The following BACE2 variants were observed in gnomAD, a reference collection of about 807,000 sequenced individuals.
BACE2 encodes 56 kDa aspartic-like protease.
Under a neutral mutation model 46.2 loss-of-function variants are expected in BACE2, and 17 were observed. That is an observed-to-expected ratio of 0.37 (90% confidence interval 0.25 to 0.55). The LOEUF is 0.55. BACE2 is among the 20% of genes least tolerant of loss of function. The pLI is 0.82. For missense variants in BACE2, 595 were observed against 698.1 expected (o/e 0.85, Z 1.66); for synonymous variants, 277 against 295.9 (o/e 0.94, Z 0.66).
rs1010943457 is a variant in BACE2 at position 41,257,278 on chromosome 21, T to C, written c.1255T>C (p.Phe419Leu). Residue 419 changes from phenylalanine (F) to leucine (L), a missense_variant, in exon 8 of 9, where the codon TTC (phenylalanine) becomes CTC (leucine). Physicochemically the swap from Phe to Leu is conservative, Grantham distance 22. Transcript: ENST00000330333. ...GGTGATGGAGGGCTTCTACGTCATC[T>C]TCGACAGAGCCCAGAAGAGGGTGGG... ...ATVMEGFYVI[F>L]DRAQKRVGFA... is the part of the protein sequence containing the mutation. The C allele has an allele frequency of 1.9e-6, 3 of 1,614,206 alleles. No individual in the cohort carries two copies. The highest frequency in any genetic ancestry group is 2.5e-6 in the Non-Finnish European group (3 of 1,180,042).
At chr21:41,197,726 T>C (rs1985791946) in intron 1 of BACE2, among the ~76,000 whole-genome samples, 1 of 152,074 alleles carries the variant, frequency 6.6e-6, no homozygotes, top group Admixed American at 6.5e-5. Flanking sequence ...TTAGGAAATA[T>C]GCAAGTTGAC....
Position 41,275,914 on chromosome 21 carries a change from A to G in BACE2, c.*290A>G, listed in dbSNP as rs1328541175. On this transcript the variant is annotated 3_prime_UTR_variant, in exon 9 of 9. Coordinates refer to ENST00000330333, the MANE Select transcript of BACE2 (RefSeq NM_012105.5). Reference sequence around the variant, plus strand: ...GGGTTCGTTATGCCAAAGTGTCTACATGTGCCACCAACATAAAACAAAACC... The same window carrying G: ...GGGTTCGTTATGCCAAAGTGTCTACGTGTGCCACCAACATAAAACAAAACC... 2.6e-6 allele frequency: 1 copy of G among 386,880 alleles called. No homozygotes were observed. The highest frequency in any genetic ancestry group is 4.0e-5 in the Admixed American group (1 of 24,762). The allele number at this position is 386,880 out of a possible 1,614,324, so 24.0% of individuals were successfully genotyped here.
At chr21:41,185,399 C>A (rs1167856983) in intron 1 of BACE2, among the ~76,000 whole-genome samples, 3 of 152,064 alleles carry the variant, frequency 2.0e-5, no homozygotes, top group Non-Finnish European at 4.4e-5. Context: ...AGTGGAGATA[C>A]TGAAAAAAAT....
At chr21:41,209,741 G>C (rs1986241049) in intron 1 of BACE2, among the ~76,000 whole-genome samples, 1 of 152,112 alleles carries the variant, frequency 6.6e-6, no homozygotes. Context: ...TTAGAATCTC[G>C]GTCCAGCACA....
At position 41,253,461 on chromosome 21, in the gene BACE2, C is replaced by T. The variant is rs377466592; in HGVS notation, c.1134+2560C>T. On this transcript the variant is annotated intron_variant, in intron 7 of 8. Coordinates refer to ENST00000330333, the MANE Select transcript of BACE2 (RefSeq NM_012105.5). ...CATCTCAAAAAAAAAAAAAAAAAAT[C>T]ACGTGCTCTTGATGATTACATTTTG... is the stretch of plus-strand genomic sequence containing the variant. 4.9e-5 allele frequency among the ~76,000 whole-genome samples: 7 copies of T among 141,970 alleles called. No individual in the cohort carries two copies. In the South Asian group the frequency reaches 6.9e-4, roughly 14 times the overall value. 93.1% of individuals were successfully genotyped at this position (141,970 alleles called of 152,430 possible).
At chr21:41,234,463 C>A (rs906987989) in intron 2 of BACE2, among the ~76,000 whole-genome samples, 1 of 152,208 alleles carries the variant, frequency 6.6e-6, no homozygotes, top group South Asian at 2.1e-4. Flanking sequence ...AGTTTACTTA[C>A]ACATTGTCTG....
chr21:41,257,078 C>T (rs754078561), intron 7 of BACE2, 80 bp from the exon 8 acceptor site: 17 of 1,545,998 alleles, frequency 1.1e-5, no homozygotes, highest in African/African-American at 1.4e-5. Flanking sequence ...CCTGAGCATG[C>T]GTGTGACCTC....
chr21:41,178,884 G>T, intron 1 of BACE2: 1 of 276,328 alleles, frequency 3.6e-6, no homozygotes, highest in Non-Finnish European at 7.0e-6. Flanking sequence ...ACTTTTAGAG[G>T]AGTGCTGTGA....
intron 2 of BACE2, among the ~76,000 whole-genome samples, chr21:41,236,834 G>T (rs893430941): frequency 3.9e-5 from 6 of 152,208 alleles, no homozygotes; most frequent in African/African-American, 1.4e-4. Context: ...GTGCCAGATT[G>T]GGTTGTGTCC....
intron 1 of BACE2, among the ~76,000 whole-genome samples, chr21:41,208,668 G>GGGTATGA (rs1986206406): frequency 6.6e-6 from 1 of 152,162 alleles, no homozygotes; most frequent in South Asian, 2.1e-4. Context: ...CAGGGGTACA[G>GGGTATGA]GGTAAGGGTA....
Position 41,275,807 on chromosome 21 carries a change from C to A in BACE2, c.*183C>A. ...ATTCTTGATTTTCAAGCTTTCAAAT[C>A]CTCCCTACTTCCAAGAAAAATAATT... On this transcript the variant is annotated 3_prime_UTR_variant, in exon 9 of 9. Transcript: ENST00000330333. 1.4e-6 allele frequency: 1 copy of A among 734,492 alleles called. No individual in the cohort carries two copies. Among genetic ancestry groups the A allele is most frequent in the Non-Finnish European group, 2.1e-6 (1 of 465,758 alleles). 45.5% of individuals were successfully genotyped at this position (734,492 alleles called of 1,614,324 possible).
At chr21:41,268,323 A>G (rs927015979) in intron 8 of BACE2, among the ~76,000 whole-genome samples, 1 of 152,202 alleles carries the variant, frequency 6.6e-6, no homozygotes, top group Non-Finnish European at 1.5e-5. Flanking sequence ...TCATGCTCTC[A>G]CCCACTGCAT....
rs1174890054 is a variant in BACE2 at position 41,168,349 on chromosome 21, T to C, written c.86T>C (p.Phe29Ser). ...GCCCCGGAGCTGGCCCCCGCGCCCT[T>C]CACGCTGCCCCTCCGGGTGGCCGCG... ...RAAPELAPAPFTLPLRVAAAT... is the reference protein window; with the variant it reads ...RAAPELAPAPSTLPLRVAAAT... The change falls in exon 1 of 9, where the codon TTC (phenylalanine) becomes TCC (serine). Residue 29 changes from phenylalanine (F) to serine (S), a missense_variant. Phe to Ser is a radical substitution (Grantham distance 155). Coordinates refer to ENST00000330333, the MANE Select transcript of BACE2 (RefSeq NM_012105.5). 3 of 1,382,214 alleles carry C rather than the reference T, an allele frequency of 2.2e-6. No homozygotes were observed. The African/African-American group carries it at 4.6e-5, about 21-fold the overall frequency. 85.6% of individuals were successfully genotyped at this position (1,382,214 alleles called of 1,614,324 possible). A position where few individuals can be genotyped will look rare whatever the true frequency, so the allele number is the denominator to read the frequency against.
intron 8 of BACE2, among the ~76,000 whole-genome samples, chr21:41,258,422 C>T (rs959780423): frequency 6.6e-6 from 1 of 152,212 alleles, no homozygotes; most frequent in African/African-American, 2.4e-5. Context: ...CTCAGACCTT[C>T]ACTCTGATCT....
chr21:41,260,950 G>A (rs1987920942), intron 8 of BACE2, among the ~76,000 whole-genome samples: 1 of 151,978 alleles, frequency 6.6e-6, no homozygotes, highest in South Asian at 2.1e-4. Context: ...TTGTCAACTC[G>A]ACTTTATTGT....
intron 5 of BACE2, 60 bp downstream of exon 5, chr21:41,243,570 C>T: frequency 2.0e-6 from 3 of 1,485,702 alleles, no homozygotes; most frequent in Non-Finnish European, 2.7e-6. Flanking sequence ...CTTAAATATG[C>T]CAGCTGGAAC....
chr21:41,234,993 A>C (rs1987074824), intron 2 of BACE2, among the ~76,000 whole-genome samples: 2 of 152,210 alleles, frequency 1.3e-5, no homozygotes, highest in South Asian at 4.1e-4. Flanking sequence ...GCAAATATTA[A>C]AAGCCAACCA....
rs1306016092 is a variant in BACE2 at position 41,168,835 on chromosome 21, G to C, written c.312+260G>C. On this transcript the variant is annotated intron_variant, in intron 1 of 8. Transcript: ENST00000330333. The stretch of plus-strand genomic sequence containing the variant: ...AGAACTTGTGAGCTCCCCCTCCGCG[G>C]GGCTGGGCGGGAGAGGAGACCTGGA... Among the ~76,000 whole-genome samples the C allele has an allele frequency of 3.9e-5, 6 of 152,072 alleles. 1 individual carries two copies. The highest frequency in any genetic ancestry group is 3.9e-4 in the Admixed American group (6 of 15,272).
In BACE2 at chr21:41,191,159, G is replaced by A. The variant is rs112278227; in HGVS notation, c.312+22584G>A. ...GTACCATATATGGGACGCTGATTCAGAGCATACACGGCCTTCTGGAGAACT... is the reference window on the plus strand; with the variant it reads ...GTACCATATATGGGACGCTGATTCAAAGCATACACGGCCTTCTGGAGAACT... On this transcript the variant is annotated intron_variant, in intron 1 of 8. Transcript: ENST00000330333. Among the ~76,000 whole-genome samples, 635 of 152,334 alleles carry A rather than the reference G, an allele frequency of 4.2e-3. 7 individuals are homozygous for A. The highest frequency in any genetic ancestry group is 0.014 in the African/African-American group (588 of 41,574).
Sources: allele counts gnomAD v4.1 joint callset (sites outside exome capture counted in the v4.1 genomes callset), GRCh38; gene constraint gnomAD v4.1.1; transcripts MANE v1.5; gene names NCBI Gene and HGNC (gene_info 2026-07-23, HGNC 2026-07-21).